The following DEPDC5 variants were observed in gnomAD, a reference collection of about 807,000 sequenced individuals.
DEPDC5 encodes GATOR1 complex protein DEPDC5.
DEPDC5 carries 73 observed loss-of-function variants against 217.3 expected under a neutral mutation model. The observed-to-expected ratio is 0.34, with a 90% confidence interval of 0.28 to 0.41. The LOEUF is 0.41. Ranked by LOEUF, DEPDC5 falls within the 10% of genes least tolerant of loss-of-function variation. The pLI, the probability that DEPDC5 is intolerant of heterozygous loss-of-function variation, is 1.00. For missense variants in DEPDC5, 1,675 were observed against 2,070.1 expected, an observed-to-expected ratio of 0.81 and a Z score of 3.70; for synonymous variants, 733 against 756.7, an observed-to-expected ratio of 0.97 and a Z score of 0.51.
Position 31,770,045 on chromosome 22 carries a change from G to A in DEPDC5, c.413+1182G>A, listed in dbSNP as rs146865956. ...GGAGTTCAAGACCAGCTTGGGCCAC[G>A]TGACAAATAGTCTCTAAAAAAAAGA... On this transcript the variant is annotated intron_variant, in intron 7 of 42. Coordinates refer to ENST00000651528, the MANE Select transcript of DEPDC5 (RefSeq NM_001242896.3). 3.1e-3 allele frequency among the ~76,000 whole-genome samples: 461 copies of A among 149,502 alleles called. 6 individuals carry two copies. The highest frequency in any genetic ancestry group is 0.011 in the African/African-American group (438 of 40,670).
At chr22:31,848,743 G>T (rs2149051589) in intron 31 of DEPDC5, among the ~76,000 whole-genome samples, 1 of 152,340 alleles carries the variant, frequency 6.6e-6, no homozygotes, top group East Asian at 1.9e-4. Flanking sequence ...AATTTCTGCA[G>T]TAGGCTTGAA....
chr22:31,792,761 A>G lies in DEPDC5; in HGVS notation c.711A>G (p.Ile237Met). The G allele has an allele frequency of 6.5e-7, 1 of 1,550,180 alleles. No individual in the cohort carries two copies. The highest frequency in any genetic ancestry group is 8.6e-7 in the Non-Finnish European group (1 of 1,158,104). The change falls in exon 12 of 43, where the codon ATA becomes ATG. Residue 237 changes from isoleucine to methionine, a missense_variant. Physicochemically the swap from Ile to Met is conservative, Grantham distance 10. This residue lies in a region of DEPDC5 where 628 missense variants were observed against 762.1 expected (regional missense o/e 0.82). Coordinates refer to ENST00000651528, the MANE Select transcript of DEPDC5 (RefSeq NM_001242896.3). ...CTATTTCAGATGAATTTCCTGAAAT[A>G]AACCGAGCCTCAATTCGACAGGATC... is the stretch of plus-strand genomic sequence containing the variant. ...DAKSVDEFPE[I>M]NRASIRQDHK...
At chr22:31,790,328 G>C (rs2085468929) in intron 10 of DEPDC5, among the ~76,000 whole-genome samples, 1 of 152,152 alleles carries the variant, frequency 6.6e-6, no homozygotes, top group African/African-American at 2.4e-5. Flanking sequence ...TGTCTTCAGA[G>C]ACCCAGGAGG....
chr22:31,873,816 A>G (rs1174304918), intron 35 of DEPDC5: 2 of 131,954 alleles, frequency 1.5e-5, no homozygotes, highest in East Asian at 4.3e-4. Context: ...TTTTTGAGAC[A>G]GAGTCTCACT....
At chr22:31,805,614 C>G (rs990250904) in intron 17 of DEPDC5, among the ~76,000 whole-genome samples, 2 of 152,034 alleles carry the variant, frequency 1.3e-5, no homozygotes, top group Admixed American at 6.6e-5. Context: ...GATTCTCTTG[C>G]CTCAGCCTCC....
chr22:31,883,608 A>T (rs1266041930), intron 38 of DEPDC5, among the ~76,000 whole-genome samples: 1 of 152,210 alleles, frequency 6.6e-6, no homozygotes, highest in Non-Finnish European at 1.5e-5. Context: ...TGGGTACTAC[A>T]ATTTATGCTT....
At chr22:31,759,486 G>A (rs967399862) in intron 3 of DEPDC5, among the ~76,000 whole-genome samples, 2 of 151,036 alleles carry the variant, frequency 1.3e-5, no homozygotes, top group African/African-American at 4.9e-5. Context: ...CCATTCTCCT[G>A]CCTCAGCCTC....
intron 31 of DEPDC5, among the ~76,000 whole-genome samples, chr22:31,854,652 TGG>T (rs2149094140): frequency 6.6e-6 from 1 of 152,332 alleles, no homozygotes; most frequent in Non-Finnish European, 1.5e-5. Context: ...GCAGCCATTC[TGG>T]GCCTCCAGGC....
At chr22:31,841,130 G>A (rs1255420675) in intron 27 of DEPDC5, among the ~76,000 whole-genome samples, 4 of 152,268 alleles carry the variant, frequency 2.6e-5, no homozygotes, top group African/African-American at 9.6e-5. Flanking sequence ...CTTTCTTGCT[G>A]TAGAAAGTGA....
chr22:31,766,085 T>C (rs1031947884), intron 5 of DEPDC5, among the ~76,000 whole-genome samples: 5 of 152,236 alleles, frequency 3.3e-5, no homozygotes, highest in African/African-American at 7.2e-5. Context: ...GTAGGCAGTA[T>C]GTAGGTTGCA....
rs574908118 is a variant in DEPDC5 at position 31,838,624 on chromosome 22, ACT to A, written c.2355-58_2355-57del. On this transcript the variant is annotated intron_variant, in intron 26 of 42. Transcript: ENST00000651528. ...AGCAAAGGAGATGATGAGACTGTGCACTCTTAAGTGTCACTGTCTCGGGCCAA... is the reference window on the plus strand; with the variant it reads ...AGCAAAGGAGATGATGAGACTGTGCACTTAAGTGTCACTGTCTCGGGCCAA... The A allele has an allele frequency of 6.1e-5, 96 of 1,581,590 alleles. No homozygotes were observed. The Admixed American group carries it at 8.9e-4, about 15-fold the overall frequency.
chr22:31,758,641 T>C lies in DEPDC5; in HGVS notation c.146+8T>C. On this transcript the variant is annotated splice_region_variant and intron_variant, in intron 3 of 42. Transcript: ENST00000651528. ...CCCCAACGATGAATACAGGTGAGTG[T>C]CTCATAGGATCCATGGAACTGGGCA... The C allele has an allele frequency of 6.2e-7, 1 of 1,612,544 alleles. No homozygotes were observed. Among genetic ancestry groups the C allele is most frequent in the South Asian group, 1.1e-5 (1 of 91,054 alleles).
chr22:31,820,536 G>C (rs541823638), intron 22 of DEPDC5, among the ~76,000 whole-genome samples: 2 of 152,004 alleles, frequency 1.3e-5, no homozygotes, highest in African/African-American at 2.4e-5. Context: ...GAATCATTTG[G>C]CTGTAACTGG....
chr22:31,830,249 A>G (rs1354244893), intron 24 of DEPDC5, among the ~76,000 whole-genome samples: 1 of 152,256 alleles, frequency 6.6e-6, no homozygotes, highest in Non-Finnish European at 1.5e-5. Flanking sequence ...CAGCCAGAGA[A>G]CACATTCACA....
intron 32 of DEPDC5, among the ~76,000 whole-genome samples, chr22:31,859,304 G>A (rs910658090): frequency 6.6e-6 from 1 of 151,132 alleles, no homozygotes; most frequent in African/African-American, 2.4e-5. Context: ...TGTTAGCCAG[G>A]ATGGTCTTGA....
chr22:31,883,755 G>A (rs1199769420), intron 38 of DEPDC5, among the ~76,000 whole-genome samples: 1 of 152,120 alleles, frequency 6.6e-6, no homozygotes, highest in African/African-American at 2.4e-5. Context: ...ACTGCATTTC[G>A]GCCCAAGGAG....
chr22:31,785,953 G>T (rs1260372027), intron 10 of DEPDC5, among the ~76,000 whole-genome samples: 2 of 152,086 alleles, frequency 1.3e-5, no homozygotes, highest in East Asian at 3.9e-4. Context: ...TAACCAAAGT[G>T]AATCAAAGAC....
At chr22:31,778,278 G>T in intron 8 of DEPDC5, 110 bp downstream of exon 8, 1 of 1,097,510 alleles carries the variant, frequency 9.1e-7, no homozygotes, top group Non-Finnish European at 1.4e-6. Flanking sequence ...TGGGCAGATT[G>T]CTTTATCCCA....
intron 40 of DEPDC5, among the ~76,000 whole-genome samples, chr22:31,900,434 G>A (rs1248794935): frequency 4.6e-5 from 7 of 152,040 alleles, no homozygotes; most frequent in Non-Finnish European, 7.4e-5. Flanking sequence ...TGGGAAGATT[G>A]GTAATACAAA....
Sources: allele counts gnomAD v4.1 joint callset (sites outside exome capture counted in the v4.1 genomes callset), GRCh38; gene constraint gnomAD v4.1.1; regional missense constraint gnomAD v4.1.1; transcripts MANE v1.5; gene names NCBI Gene and HGNC (gene_info 2026-07-23, HGNC 2026-07-21).